The following PDE4D variants were observed in gnomAD, a reference collection of about 807,000 sequenced individuals.
PDE4D encodes 3',5'-cyclic-AMP phosphodiesterase 4D.
A neutral mutation model predicts 87.4 loss-of-function variants in PDE4D; 24 were observed. The ratio of observed to expected loss-of-function variants is 0.27; its 90% CI spans 0.20 to 0.39. PDE4D has a LOEUF of 0.39. Among genes scored for constraint, PDE4D ranks in the 10% least tolerant of loss-of-function variants. The pLI, the probability that PDE4D is intolerant of heterozygous loss-of-function variation, is 1.00. For missense variants in PDE4D, 714 were observed against 1,041.0 expected (o/e 0.69, Z 4.32); for synonymous variants, 384 against 383.2 (o/e 1.00, Z -0.02).
intron 1 of PDE4D, among the ~76,000 whole-genome samples, chr5:60,486,036 A>C (rs969164348): frequency 6.6e-5 from 10 of 152,196 alleles, no homozygotes; most frequent in African/African-American, 2.4e-4. Context: ...AATGTAAACA[A>C]TGAAGGCATA....
At chr5:60,139,020 A>G (rs1460088521) in intron 2 of PDE4D, among the ~76,000 whole-genome samples, 4 of 152,002 alleles carry the variant, frequency 2.6e-5, no homozygotes, top group Admixed American at 2.6e-4. Flanking sequence ...CAATCTCTCC[A>G]TCCTGGTACA....
intron 1 of PDE4D, among the ~76,000 whole-genome samples, chr5:59,396,019 G>T (rs1163123807): frequency 4.2e-5 from 5 of 120,006 alleles, no homozygotes; most frequent in African/African-American, 1.7e-4. Context: ...AAGTGAGAAG[G>T]AAAGTTTAGA....
chr5:59,283,513 T>TA (rs1198086927), intron 1 of PDE4D, among the ~76,000 whole-genome samples: 4 of 152,322 alleles, frequency 2.6e-5, no homozygotes, highest in African/African-American at 9.6e-5. Flanking sequence ...GTGTGTTAAA[T>TA]AAAAACTTCT....
chr5:59,419,904 T>C lies in PDE4D; in HGVS notation c.456-203936A>G, dbSNP rs563288278. Among the ~76,000 whole-genome samples, 11 of 152,224 alleles carry C rather than the reference T, an allele frequency of 7.2e-5. No homozygotes were observed. In the South Asian group the frequency reaches 2.1e-3, roughly 29 times the overall value. On this transcript the variant is annotated intron_variant, in intron 1 of 14. Transcript: ENST00000340635. ...TTGAATCACCCAATGTAAGGCAAAA[T>C]GTTCACACTCAACAGTTCACCAAAG...
chr5:59,742,318 C>T (rs577975262), intron 1 of PDE4D, among the ~76,000 whole-genome samples: 157 of 152,292 alleles, frequency 1.0e-3, no homozygotes, highest in Non-Finnish European at 1.5e-3. Flanking sequence ...CCTGCCTTGG[C>T]CTCCCAAAGT....
At chr5:60,126,595 G>A (rs1779142163) in intron 2 of PDE4D, among the ~76,000 whole-genome samples, 2 of 152,116 alleles carry the variant, frequency 1.3e-5, no homozygotes, top group South Asian at 4.1e-4. Context: ...GAAACAAAAT[G>A]GCACACTTGT....
At chr5:59,094,461 A>G (rs943061900) in intron 5 of PDE4D, among the ~76,000 whole-genome samples, 13 of 152,196 alleles carry the variant, frequency 8.5e-5, no homozygotes, top group South Asian at 8.3e-4. Flanking sequence ...CAGAGAAAAT[A>G]GAGGGCATAA....
intron 6 of PDE4D, chr5:59,002,002 T>C: frequency 2.0e-6 from 1 of 509,592 alleles, no homozygotes; most frequent in South Asian, 1.4e-5. Context: ...CCTCCTTCAT[T>C]CAACTTTGTT....
intron 1 of PDE4D, among the ~76,000 whole-genome samples, chr5:59,315,002 G>A (rs1035874859): frequency 8.9e-4 from 136 of 152,262 alleles, no homozygotes; most frequent in Non-Finnish European, 1.2e-3. Context: ...TTGTTGGGGG[G>A]AAAGAGCCTG....
intron 3 of PDE4D, among the ~76,000 whole-genome samples, chr5:59,956,029 C>T (rs1402564436): frequency 1.3e-5 from 2 of 152,138 alleles, no homozygotes; most frequent in Non-Finnish European, 2.9e-5. Context: ...CCTATAAGAC[C>T]TCTGTACTTC....
rs1213364864 is a variant in PDE4D at position 59,213,160 on chromosome 5, TC to T, written c.647+2616del. Among the ~76,000 whole-genome samples, 7 of 132,980 alleles carry T rather than the reference TC, an allele frequency of 5.3e-5. 1 individual carries two copies. The highest frequency in any genetic ancestry group is 3.6e-4 in the Admixed American group (5 of 13,884). 87.2% of individuals were successfully genotyped at this position (132,980 alleles called of 152,430 possible). Reference sequence around the variant, plus strand: ...TTATTCTTCTCCTTCTCCTCCTTCTTCTTTTTTTCTTTTTTTCCAGACACAG... The same window carrying T: ...TTATTCTTCTCCTTCTCCTCCTTCTTTTTTTTTCTTTTTTTCCAGACACAG... On this transcript the variant is annotated intron_variant, in intron 2 of 14. Coordinates refer to ENST00000340635, the MANE Select transcript of PDE4D (RefSeq NM_001104631.2).
At chr5:59,163,275 CT>C (rs78168130) in intron 5 of PDE4D, among the ~76,000 whole-genome samples, 60,895 of 135,308 alleles carry the variant, frequency 0.45, 12,884 homozygotes, top group Non-Finnish European at 0.48. Flanking sequence ...AATGAACAAT[CT>C]TTTTTTTTTT....
chr5:59,708,760 T>A (rs1305912778), intron 1 of PDE4D, among the ~76,000 whole-genome samples: 1 of 152,156 alleles, frequency 6.6e-6, no homozygotes, highest in Admixed American at 6.6e-5. Flanking sequence ...TTCATGATGA[T>A]TAATTTGAAC....
intron 1 of PDE4D, among the ~76,000 whole-genome samples, chr5:59,454,568 A>G (rs1799634949): frequency 1.3e-5 from 2 of 152,154 alleles, no homozygotes; most frequent in Admixed American, 1.3e-4. Flanking sequence ...TGTCTTTATC[A>G]GGAGCATGAA....
intron 1 of PDE4D, among the ~76,000 whole-genome samples, chr5:59,249,105 T>C (rs953599905): frequency 2.6e-5 from 4 of 151,934 alleles, no homozygotes; most frequent in Admixed American, 6.6e-5. Flanking sequence ...ATCTAATACA[T>C]AAAGAACTCT....
intron 11 of PDE4D, among the ~76,000 whole-genome samples, chr5:58,978,604 T>C (rs1332174636): frequency 6.6e-6 from 1 of 152,152 alleles, no homozygotes; most frequent in Non-Finnish European, 1.5e-5. Flanking sequence ...GAGGAGAGGC[T>C]TAAGACATTT....
At chr5:60,051,709 C>G (rs4555741) in intron 2 of PDE4D, among the ~76,000 whole-genome samples, 76,133 of 151,612 alleles carry the variant, frequency 0.5, 19,524 homozygotes, top group East Asian at 0.82. Flanking sequence ...GAAGGAGATA[C>G]AGACATGAAA....
intron 1 of PDE4D, among the ~76,000 whole-genome samples, chr5:59,429,483 G>C (rs1244703313): frequency 1.3e-5 from 2 of 152,156 alleles, no homozygotes; most frequent in Non-Finnish European, 2.9e-5. Flanking sequence ...TTGTGAGTTT[G>C]TGTAGATATA....
intron 1 of PDE4D, among the ~76,000 whole-genome samples, chr5:60,445,432 G>A (rs1264347185): frequency 1.3e-5 from 2 of 152,114 alleles, no homozygotes; most frequent in Admixed American, 1.3e-4. Context: ...AAAACTATCT[G>A]AGAAAAATAT....
Sources: gnomAD v4.1 joint callset for allele counts (sites outside exome capture counted in the v4.1 genomes callset) on GRCh38, gnomAD v4.1.1 for gene constraint, MANE v1.5 for transcripts, NCBI Gene and HGNC (gene_info 2026-07-23, HGNC 2026-07-21) for gene names.